The following GPC5 variants were observed in gnomAD, a reference collection of about 807,000 sequenced individuals.
GPC5 encodes the protein glypican-5.
In GPC5, 47 loss-of-function variants were observed where a neutral mutation model predicts 53.9. The ratio of observed to expected loss-of-function variants is 0.87; its 90% CI spans 0.69 to 1.11. GPC5 has a LOEUF of 1.11. Ranked by LOEUF, GPC5 falls within the 50% of genes most tolerant of loss-of-function variation. GPC5 has a pLI of 0.00. For missense variants in GPC5, 748 were observed against 713.1 expected (o/e 1.05, Z -0.56); for synonymous variants, 286 against 263.3 (o/e 1.09, Z -0.84).
At chr13:92,400,267 G>C (rs374917387) in intron 7 of GPC5, among the ~76,000 whole-genome samples, 36 of 152,270 alleles carry the variant, frequency 2.4e-4, no homozygotes, top group African/African-American at 8.7e-4. Flanking sequence ...ATGCTCCAAA[G>C]TATCTAGAGA....
chr13:91,755,171 C>A (rs2037262743), intron 4 of GPC5, among the ~76,000 whole-genome samples: 2 of 151,986 alleles, frequency 1.3e-5, no homozygotes, highest in African/African-American at 2.4e-5. Context: ...AATTAATGAA[C>A]TTGAGTAACA....
chr13:91,623,124 C>T (rs2033906594), intron 2 of GPC5, among the ~76,000 whole-genome samples: 1 of 151,904 alleles, frequency 6.6e-6, no homozygotes, highest in Non-Finnish European at 1.5e-5. Flanking sequence ...TCCATCTATA[C>T]CTAAATGGAT....
chr13:92,629,558 A>C (rs1488479602), intron 7 of GPC5, among the ~76,000 whole-genome samples: 1 of 152,246 alleles, frequency 6.6e-6, no homozygotes, highest in African/African-American at 2.4e-5. Context: ...GATAGTAGAT[A>C]AACAATGCAT....
intron 5 of GPC5, among the ~76,000 whole-genome samples, chr13:91,899,817 C>T (rs1484824929): frequency 1.3e-5 from 2 of 152,084 alleles, no homozygotes; most frequent in East Asian, 1.9e-4. Context: ...GAGGATTCCT[C>T]CTGAGGGTCT....
At chr13:92,414,669 T>C (rs568888952) in intron 7 of GPC5, among the ~76,000 whole-genome samples, 71 of 152,198 alleles carry the variant, frequency 4.7e-4, no homozygotes, top group Non-Finnish European at 8.5e-4. Context: ...TGGGTTGTTA[T>C]AACAAACTAC....
intron 1 of GPC5, among the ~76,000 whole-genome samples, chr13:91,409,222 C>T (rs1877546775): frequency 6.6e-6 from 1 of 152,110 alleles, no homozygotes; most frequent in Non-Finnish European, 1.5e-5. Context: ...AAGAGATTAA[C>T]AGCCTGTTCT....
At chr13:92,645,224 C>A (rs1351938292) in intron 7 of GPC5, among the ~76,000 whole-genome samples, 2 of 152,160 alleles carry the variant, frequency 1.3e-5, no homozygotes, top group African/African-American at 2.4e-5. Flanking sequence ...CAGCTCACTG[C>A]AACCTCCACC....
chr13:91,862,778 C>T (rs867633077), intron 5 of GPC5, among the ~76,000 whole-genome samples: 1 of 151,986 alleles, frequency 6.6e-6, no homozygotes, highest in Non-Finnish European at 1.5e-5. Flanking sequence ...AAAATTTCAC[C>T]AATAGTCCCA....
intron 7 of GPC5, among the ~76,000 whole-genome samples, chr13:92,167,868 C>T (rs535711485): frequency 2.5e-5 from 2 of 81,194 alleles, no homozygotes; most frequent in East Asian, 5.8e-4. Flanking sequence ...CAACTTAGGA[C>T]CAAGAAAAAA....
chr13:92,720,523 TTAAAG>T (rs532108885), intron 7 of GPC5, among the ~76,000 whole-genome samples: 31 of 151,652 alleles, frequency 2.0e-4, no homozygotes, highest in African/African-American at 6.7e-4. Context: ...ATTTCATAAA[TTAAAG>T]TAATGATTTT....
At chr13:91,526,613 G>C (rs1170223612) in intron 2 of GPC5, among the ~76,000 whole-genome samples, 2 of 152,216 alleles carry the variant, frequency 1.3e-5, no homozygotes, top group African/African-American at 4.8e-5. Context: ...TGAGGGACTT[G>C]TCAAAGGAAT....
chr13:91,863,515 C>T (rs920274605), intron 5 of GPC5, among the ~76,000 whole-genome samples: 1 of 152,048 alleles, frequency 6.6e-6, no homozygotes, highest in Non-Finnish European at 1.5e-5. Context: ...ATGTCTGAAA[C>T]TGAATCTGTC....
intron 7 of GPC5, among the ~76,000 whole-genome samples, chr13:92,166,944 TCTCTCTCTCTCTCA>T (rs1356749530): frequency 1.1e-3 from 146 of 130,684 alleles, no homozygotes; most frequent in Admixed American, 1.5e-3. Context: ...TCTCTCTCTC[TCTCTCTCTCTCTCA>T]CACACACACA....
chr13:91,419,600 C>A (rs1359507116), intron 1 of GPC5, among the ~76,000 whole-genome samples: 2 of 152,032 alleles, frequency 1.3e-5, no homozygotes, highest in Admixed American at 6.5e-5. Flanking sequence ...GGTAAATTTT[C>A]TTTAACTGAG....
chr13:92,617,174 A>G (rs1291206483), intron 7 of GPC5, among the ~76,000 whole-genome samples: 3 of 152,182 alleles, frequency 2.0e-5, no homozygotes, highest in Non-Finnish European at 4.4e-5. Context: ...TCTCTGAAGC[A>G]GCCTTAGAAC....
intron 5 of GPC5, among the ~76,000 whole-genome samples, chr13:91,862,512 G>A (rs375515525): frequency 1.5e-4 from 23 of 152,148 alleles, no homozygotes; most frequent in African/African-American, 5.5e-4. Context: ...TGCCCACAAC[G>A]AAGAATTATA....
At chr13:92,546,272 G>A (rs912023650) in intron 7 of GPC5, among the ~76,000 whole-genome samples, 3 of 152,054 alleles carry the variant, frequency 2.0e-5, no homozygotes, top group Non-Finnish European at 4.4e-5. Context: ...AAACCCCATC[G>A]TCTCAACCCA....
intron 2 of GPC5, among the ~76,000 whole-genome samples, chr13:91,536,213 G>T (rs1389478776): frequency 6.6e-6 from 1 of 152,076 alleles, no homozygotes; most frequent in African/African-American, 2.4e-5. Flanking sequence ...ACAAAATCTG[G>T]CAAAAATGTC....
In GPC5 at chr13:92,482,052, AC is replaced by A. The variant is rs1277261431; in HGVS notation, c.1561+337066del. 3.3e-5 allele frequency among the ~76,000 whole-genome samples: 5 copies of A among 151,660 alleles called. 1 individual carries two copies. The highest frequency in any genetic ancestry group is 1.3e-4 in the Admixed American group (2 of 15,216). On this transcript the variant is annotated intron_variant, in intron 7 of 7. Transcript: ENST00000377067. ...AGGCTTAGGCAGGAGAATTGCTTGAACCCTGGAGGCAGAGGTTGCAGTGAGC... is the reference window on the plus strand; with the variant it reads ...AGGCTTAGGCAGGAGAATTGCTTGAACCTGGAGGCAGAGGTTGCAGTGAGC...
Sources: gnomAD v4.1 joint callset for allele counts (sites outside exome capture counted in the v4.1 genomes callset) on GRCh38, gnomAD v4.1.1 for gene constraint, MANE v1.5 for transcripts, NCBI Gene and HGNC (gene_info 2026-07-23, HGNC 2026-07-21) for gene names.